LARGE1: variants seen among roughly 807,000 people sequenced by gnomAD.
The protein encoded by LARGE1 is xylosyl- and glucuronyltransferase LARGE1.
A neutral mutation model predicts 87.6 loss-of-function variants in LARGE1; 43 were observed. The ratio of observed to expected loss-of-function variants is 0.49; its 90% CI spans 0.38 to 0.63. LARGE1 has a LOEUF of 0.63. Ranked by LOEUF, LARGE1 falls within the 30% of genes least tolerant of loss-of-function variation. LARGE1 has a pLI of 0.00. For missense variants in LARGE1, 802 were observed against 1,000.2 expected (o/e 0.80, Z 2.67); for synonymous variants, 434 against 394.6 (o/e 1.10, Z -1.18).
chr22:33,482,027 A>G (rs908478496), intron 6 of LARGE1, among the ~76,000 whole-genome samples: 1 of 152,130 alleles, frequency 6.6e-6, no homozygotes, highest in Non-Finnish European at 1.5e-5. Flanking sequence ...TATTATTACC[A>G]TCATCATCAT....
Position 33,695,805 on chromosome 22 carries a change from C to T in LARGE1, c.107-45137G>A, listed in dbSNP as rs149444466. ...TGGGAAAATTTTGACAATGCATACT[C>T]CTATGTAACCCAAACACTTTTCAAG... On this transcript the variant is annotated intron_variant, in intron 2 of 14. Coordinates refer to ENST00000397394, the MANE Select transcript of LARGE1 (RefSeq NM_133642.5). 3.4e-3 allele frequency among the ~76,000 whole-genome samples: 516 copies of T among 152,288 alleles called. 2 individuals are homozygous for T. The highest frequency in any genetic ancestry group is 5.9e-3 in the Non-Finnish European group (404 of 68,026).
chr22:33,310,636 G>C (rs79532330), intron 11 of LARGE1, among the ~76,000 whole-genome samples: 12,142 of 152,210 alleles, frequency 0.08, 524 homozygotes, highest in South Asian at 0.17. Flanking sequence ...ATATCTGAAA[G>C]GTTTCTTAAA....
intron 1 of LARGE1, among the ~76,000 whole-genome samples, chr22:33,832,614 G>A (rs2063003221): frequency 6.6e-6 from 1 of 152,222 alleles, no homozygotes. Context: ...ACCCCAGAGG[G>A]CTCGGAATCA....
At chr22:33,469,181 G>C (rs2068731354) in intron 6 of LARGE1, among the ~76,000 whole-genome samples, 2 of 152,122 alleles carry the variant, frequency 1.3e-5, no homozygotes, top group South Asian at 4.2e-4. Flanking sequence ...TCATTATTGG[G>C]TATATACCCA....
chr22:33,525,792 C>T (rs1205147326), intron 6 of LARGE1, among the ~76,000 whole-genome samples: 4 of 152,154 alleles, frequency 2.6e-5, no homozygotes, highest in African/African-American at 4.8e-5. Context: ...GAAGACACAG[C>T]GGATTGGTAT....
At chr22:33,091,710 C>T in the LARGE1 span, among the ~76,000 whole-genome samples, 839 of 152,306 alleles carry the variant, frequency 5.5e-3, 11 homozygotes, top group African/African-American at 0.02. Context: ...CCCTTCAGGG[C>T]GGTGTGAAAG....
the LARGE1 span, chr22:33,116,159 A>G: frequency 6.6e-6 from 1 of 152,144 alleles, no homozygotes; most frequent in Non-Finnish European, 1.5e-5. Context: ...ATGGCAGGAC[A>G]CCGTCTTTCT....
At chr22:33,498,320 A>C (rs2070250115) in intron 6 of LARGE1, among the ~76,000 whole-genome samples, 1 of 152,196 alleles carries the variant, frequency 6.6e-6, no homozygotes, top group African/African-American at 2.4e-5. Context: ...GCCTCAAATA[A>C]CAGTAACAGT....
intron 11 of LARGE1, among the ~76,000 whole-genome samples, chr22:33,178,338 G>C (rs137358): frequency 0.59 from 89,788 of 151,970 alleles, 26,920 homozygotes; most frequent in Middle Eastern, 0.65. Flanking sequence ...ACTTTGATCT[G>C]AACACTGGAG....
intron 4 of LARGE1, among the ~76,000 whole-genome samples, chr22:33,617,334 G>C (rs1344752822): frequency 3.3e-5 from 5 of 152,158 alleles, no homozygotes; most frequent in Admixed American, 3.3e-4. Flanking sequence ...TTTAATGACA[G>C]AGCCCTGCAA....
intron 6 of LARGE1, among the ~76,000 whole-genome samples, chr22:33,552,292 C>G (rs1442833301): frequency 6.6e-6 from 1 of 152,064 alleles, no homozygotes; most frequent in Non-Finnish European, 1.5e-5. Context: ...TCAAAGAAAT[C>G]CCAGATGTTT....
chr22:33,070,333 C>T, the LARGE1 span, among the ~76,000 whole-genome samples: 1 of 152,210 alleles, frequency 6.6e-6, no homozygotes, highest in Middle Eastern at 3.4e-3. Flanking sequence ...ATGTATAGAA[C>T]AATGGTTTGC....
In LARGE1 at chr22:33,385,277, G is replaced by A. The variant is rs556187975; in HGVS notation, c.893-973C>T. ...ACAGCCGGGTGTGGTGGTGGTTCAT[G>A]CCTGTAAACCCAGCACTTTGGGAGG... is the stretch of plus-strand genomic sequence containing the variant. On this transcript the variant is annotated intron_variant, in intron 7 of 14. Coordinates refer to ENST00000397394, the MANE Select transcript of LARGE1 (RefSeq NM_133642.5). Among the ~76,000 whole-genome samples, 12 of 148,190 alleles carry A rather than the reference G, an allele frequency of 8.1e-5. 1 individual carries two copies. The highest frequency in any genetic ancestry group is 2.9e-4 in the African/African-American group (12 of 40,908).
chr22:33,537,634 T>A (rs1157050586), intron 6 of LARGE1, among the ~76,000 whole-genome samples: 1 of 152,206 alleles, frequency 6.6e-6, no homozygotes. Context: ...TGGCGCAGTC[T>A]CGGTTCATTC....
the LARGE1 span, among the ~76,000 whole-genome samples, chr22:33,099,298 G>A: frequency 2.0e-5 from 3 of 152,156 alleles, no homozygotes; most frequent in African/African-American, 7.2e-5. Flanking sequence ...TTGTTGCCCA[G>A]GCTGGAGTGC....
chr22:33,902,061 G>C (rs918542053), intron 1 of LARGE1, among the ~76,000 whole-genome samples: 2 of 152,186 alleles, frequency 1.3e-5, no homozygotes, highest in Non-Finnish European at 2.9e-5. Flanking sequence ...AAAGTGGAAC[G>C]ATGAACAGGT....
chr22:33,489,999 G>C (rs917078584), intron 6 of LARGE1, among the ~76,000 whole-genome samples: 1 of 152,124 alleles, frequency 6.6e-6, no homozygotes, highest in Non-Finnish European at 1.5e-5. Flanking sequence ...GCTAGAACAC[G>C]GTTTCCCCGC....
chr22:33,196,275 G>T, intron 11 of LARGE1, among the ~76,000 whole-genome samples: 1 of 151,946 alleles, frequency 6.6e-6, no homozygotes, highest in Admixed American at 6.6e-5. Context: ...GGCAATAGAA[G>T]ACAAAAGAGT....
chr22:33,560,389 T>C (rs566307807), intron 6 of LARGE1, among the ~76,000 whole-genome samples: 1 of 152,198 alleles, frequency 6.6e-6, no homozygotes, highest in Non-Finnish European at 1.5e-5. Context: ...GCAGTGCCCA[T>C]GTACGCTGGA....
Sources: gnomAD v4.1 joint callset for allele counts (sites outside exome capture counted in the v4.1 genomes callset) on GRCh38, gnomAD v4.1.1 for gene constraint, MANE v1.5 for transcripts, NCBI Gene and HGNC (gene_info 2026-07-23, HGNC 2026-07-21) for gene names.